The following TUG1 variants were observed in gnomAD, a reference collection of about 807,000 sequenced individuals.
TUG1 encodes taurine up-regulated 1.
intron 2 of TUG1, 172 bp from the exon 3 acceptor site, chr22:30,974,998 T>C (rs1345378086): frequency 1.3e-5 from 2 of 152,258 alleles, no homozygotes; most frequent in South Asian, 4.1e-4. Context: ...CCTTGTTCTC[T>C]GATAGATACT....
exon 1 of TUG1, chr22:30,970,006 A>G (rs2041208865): frequency 6.6e-6 from 1 of 152,190 alleles, no homozygotes; most frequent in East Asian, 1.9e-4. Flanking sequence ...ATCGCTTTGT[A>G]AACTATAAAG....
exon 2 of TUG1, chr22:30,973,094 T>C (rs2041249770): frequency 6.5e-6 from 1 of 152,686 alleles, no homozygotes; most frequent in African/African-American, 2.4e-5. Flanking sequence ...CAGCCCTTTA[T>C]AGTGAAGTCA....
chr22:30,974,209 GCTT>G (rs898717684), intron 2 of TUG1: 11 of 151,868 alleles, frequency 7.2e-5, no homozygotes, highest in African/African-American at 2.7e-4. Flanking sequence ...CATGGAGAAA[GCTT>G]CTGTTACCTA....
At chr22:30,973,453 C>T (rs532218698) in exon 2 of TUG1, 14 of 152,298 alleles carry the variant, frequency 9.2e-5, no homozygotes, top group African/African-American at 2.9e-4. Flanking sequence ...CTCCTCATAG[C>T]ATCTTCTTTG....
At chr22:30,977,855 C>T (rs975404416) in exon 3 of TUG1, 5 of 152,184 alleles carry the variant, frequency 3.3e-5, no homozygotes, top group Non-Finnish European at 7.3e-5. Flanking sequence ...CAGGAAGGAC[C>T]ATTGCTGCAT....
At chr22:30,978,918 C>G (rs2041318505) in exon 3 of TUG1, 1 of 152,146 alleles carries the variant, frequency 6.6e-6, no homozygotes, top group Non-Finnish European at 1.5e-5. Flanking sequence ...TGAGACTTGA[C>G]AGATCCAAGT....
At chr22:30,978,491 G>A (rs2041314680) in exon 3 of TUG1, 1 of 152,146 alleles carries the variant, frequency 6.6e-6, no homozygotes, top group Non-Finnish European at 1.5e-5. Context: ...ACTCCCTGAT[G>A]TTTCTTAAAA....
exon 3 of TUG1, chr22:30,976,859 A>G (rs1181692094): frequency 2.6e-5 from 4 of 152,202 alleles, no homozygotes; most frequent in African/African-American, 9.6e-5. Context: ...TCGACTCTAC[A>G]TCTCGTCAAA....
chr22:30,972,378 G>C (rs778092074), intron 1 of TUG1: 1 of 152,198 alleles, frequency 6.6e-6, no homozygotes, highest in African/African-American at 2.4e-5. Flanking sequence ...TCCTACTTAA[G>C]ATGGAATCTT....
chr22:30,976,224 GAA>G (rs1000333069), exon 3 of TUG1: 1 of 152,090 alleles, frequency 6.6e-6, no homozygotes, highest in East Asian at 1.9e-4. Context: ...AAACCATTTG[GAA>G]AAGTTTCTTC....
In TUG1 at chr22:30,977,308, C is replaced by CA. The variant is rs762364515; in HGVS notation, c.*4834dup. 3 of 152,134 alleles carry CA rather than the reference C, an allele frequency of 2.0e-5. No homozygotes were observed. In the South Asian group the frequency reaches 6.2e-4, roughly 31 times the overall value. 9.4% of individuals were successfully genotyped at this position (152,134 alleles called of 1,614,324 possible). A position where few individuals can be genotyped will look rare whatever the true frequency, so the allele number is the denominator to read the frequency against. On this transcript the variant is annotated 3_prime_UTR_variant, in exon 3 of 3. Coordinates refer to ENST00000644773, the Ensembl canonical transcript of TUG1. ...CTTGACTTGCTTGTAAGATGATTCT[C>CA]AGAGATCGGCTGAGTTAAAAAAGAT... is the stretch of plus-strand genomic sequence containing the variant.
chr22:30,979,366 T>A (rs2041325600), exon 3 of TUG1: 1 of 152,194 alleles, frequency 6.6e-6, no homozygotes, highest in Non-Finnish European at 1.5e-5. Flanking sequence ...TTTTAAACTT[T>A]ATTTTAAATA....
At position 30,976,905 on chromosome 22, in the gene TUG1, C is replaced by T. The variant is rs181475958; in HGVS notation, c.*4430C>T. 7 of 152,336 alleles carry T rather than the reference C, an allele frequency of 4.6e-5. No homozygotes were observed. The East Asian group carries it at 1.3e-3, about 29-fold the overall frequency. 9.4% of individuals were successfully genotyped at this position (152,336 alleles called of 1,614,324 possible). ...GTCTGGTTGCTGTAGACTGCTCGCC[C>T]TCAACAAATAAAATCTGGTTGACTA... On this transcript the variant is annotated 3_prime_UTR_variant, in exon 3 of 3. Transcript: ENST00000644773.
chr22:30,970,835 C>T (rs2041221798), exon 1 of TUG1: 1 of 152,106 alleles, frequency 6.6e-6, no homozygotes, highest in Non-Finnish European at 1.5e-5. Context: ...GGGTTTTTTT[C>T]TTTCTTAATC....
exon 1 of TUG1, chr22:30,969,598 G>T (rs1422817785): frequency 1.3e-5 from 2 of 152,510 alleles, no homozygotes; most frequent in African/African-American, 4.8e-5. Flanking sequence ...CGGGTGGTCG[G>T]CGGCGGCGGG....
At chr22:30,973,548 T>C (rs943701445) in exon 2 of TUG1, 2 of 152,352 alleles carry the variant, frequency 1.3e-5, no homozygotes, top group Non-Finnish European at 1.5e-5. Flanking sequence ...CTCACAAGGC[T>C]GCACCAGATT....
exon 1 of TUG1, chr22:30,970,567 C>T (rs1226410558): frequency 6.6e-6 from 1 of 152,164 alleles, no homozygotes; most frequent in African/African-American, 2.4e-5. Flanking sequence ...CTATTTTATC[C>T]TTTGGCCCGT....
chr22:30,979,030 A>C (rs1432687655), exon 3 of TUG1: 1 of 152,214 alleles, frequency 6.6e-6, no homozygotes, highest in Non-Finnish European at 1.5e-5. Flanking sequence ...CAGAAGCGTA[A>C]AAATGACATG....
At chr22:30,975,439 A>G (rs1007335760) in exon 3 of TUG1, 1 of 152,286 alleles carries the variant, frequency 6.6e-6, no homozygotes, top group Non-Finnish European at 1.5e-5. Context: ...TTTGACCTGA[A>G]TGGCATTCCA....
Sources: allele counts gnomAD v4.1 joint callset, GRCh38; gene constraint gnomAD v4.1.1; transcripts MANE v1.5; gene names NCBI Gene and HGNC (gene_info 2026-07-23, HGNC 2026-07-21).